HEMK2: variants seen among roughly 807,000 people sequenced by gnomAD.
The protein encoded by HEMK2 is HemK methyltransferase 2, ETF1 glutamine and histone H4 lysine, also known as methyltransferase HEMK2.
chr21:28,700,646 C>T, the HEMK2 span, among the ~76,000 whole-genome samples: 5 of 151,922 alleles, frequency 3.3e-5, no homozygotes, highest in African/African-American at 1.2e-4. Flanking sequence ...AAATTGAATC[C>T]GTAATAAAAA....
the HEMK2 span, among the ~76,000 whole-genome samples, chr21:28,673,126 G>A: frequency 6.7e-6 from 1 of 149,750 alleles, no homozygotes; most frequent in African/African-American, 2.5e-5. Flanking sequence ...AAAGAAGGAA[G>A]GAGGGAAGGA....
the HEMK2 span, among the ~76,000 whole-genome samples, chr21:28,680,514 A>T: frequency 1.3e-5 from 2 of 152,158 alleles, no homozygotes; most frequent in African/African-American, 2.4e-5. Flanking sequence ...CTATTCCAAT[A>T]AATAGAAAAA....
chr21:28,588,751 A>G, the HEMK2 span, among the ~76,000 whole-genome samples: 1 of 152,138 alleles, frequency 6.6e-6, no homozygotes, highest in Non-Finnish European at 1.5e-5. Flanking sequence ...AGGTCGGATC[A>G]CGAGGTCGGA....
At chr21:28,749,641 G>C in the HEMK2 span, among the ~76,000 whole-genome samples, 3 of 152,208 alleles carry the variant, frequency 2.0e-5, no homozygotes, top group Admixed American at 2.0e-4. Flanking sequence ...TTGATCGTCA[G>C]AGTATGATCC....
the HEMK2 span, among the ~76,000 whole-genome samples, chr21:28,611,839 G>A: frequency 1.1e-4 from 16 of 148,742 alleles, no homozygotes; most frequent in African/African-American, 3.7e-4. Context: ...ACCCAGGAGG[G>A]AAGCAGAGGT....
At chr21:28,681,249 C>T in the HEMK2 span, among the ~76,000 whole-genome samples, 2 of 152,202 alleles carry the variant, frequency 1.3e-5, no homozygotes, top group African/African-American at 4.8e-5. Flanking sequence ...CATTCTTATA[C>T]ACCAATAAGA....
At chr21:28,839,002 CATATAT>C in the HEMK2 span, among the ~76,000 whole-genome samples, 6 of 33,668 alleles carry the variant, frequency 1.8e-4, 1 homozygote, top group African/African-American at 8.3e-4. Flanking sequence ...TATATATATA[CATATAT>C]ATACACAATC....
At chr21:28,747,687 C>T in the HEMK2 span, among the ~76,000 whole-genome samples, 4 of 152,152 alleles carry the variant, frequency 2.6e-5, no homozygotes, top group African/African-American at 9.7e-5. Context: ...GAATACTATG[C>T]AGCCATAAAA....
chr21:28,603,549 ATGTGTG>A, the HEMK2 span, among the ~76,000 whole-genome samples: 1,672 of 135,800 alleles, frequency 0.012, 12 homozygotes, highest in Middle Eastern at 0.022. Context: ...GAGGATATAT[ATGTGTG>A]TGTGTGTGTG....
chr21:28,639,650 T>TTGGA, the HEMK2 span, among the ~76,000 whole-genome samples: 1 of 152,228 alleles, frequency 6.6e-6, no homozygotes, highest in Non-Finnish European at 1.5e-5. Flanking sequence ...ATTATATTAA[T>TTGGA]TTATCCGAGT....
At chr21:28,786,006 C>T in the HEMK2 span, among the ~76,000 whole-genome samples, 1 of 152,228 alleles carries the variant, frequency 6.6e-6, no homozygotes, top group Non-Finnish European at 1.5e-5. Context: ...GTCTTTCACA[C>T]TTGCTGCACC....
At chr21:28,759,751 CCT>C in the HEMK2 span, among the ~76,000 whole-genome samples, 31 of 152,198 alleles carry the variant, frequency 2.0e-4, no homozygotes, top group Admixed American at 1.2e-3. Context: ...TAAGGGATTT[CCT>C]CTTTTACTTG....
the HEMK2 span, among the ~76,000 whole-genome samples, chr21:28,819,805 C>T: frequency 1.3e-5 from 2 of 152,090 alleles, no homozygotes; most frequent in Admixed American, 6.5e-5. Flanking sequence ...ACCTCGGCCT[C>T]CCAAAGTGCT....
chr21:28,864,878 G>A, the HEMK2 span, among the ~76,000 whole-genome samples: 677 of 60,716 alleles, frequency 0.011, 4 homozygotes, highest in South Asian at 0.024. Context: ...TGGATGATAG[G>A]TAGATATAGA....
the HEMK2 span, among the ~76,000 whole-genome samples, chr21:28,586,829 T>G: frequency 2.0e-5 from 3 of 151,860 alleles, no homozygotes; most frequent in Non-Finnish European, 4.4e-5. Context: ...CACAGGGGGG[T>G]AATGAATGAA....
the HEMK2 span, among the ~76,000 whole-genome samples, chr21:28,607,477 T>C: frequency 6.6e-6 from 1 of 152,184 alleles, no homozygotes; most frequent in East Asian, 1.9e-4. Flanking sequence ...TGAGGAAAAC[T>C]GGCGTCATCA....
the HEMK2 span, chr21:28,873,135 A>G: frequency 6.6e-6 from 1 of 152,228 alleles, no homozygotes; most frequent in African/African-American, 2.4e-5. Flanking sequence ...GCATTCCACC[A>G]GAAACACTCT....
the HEMK2 span, among the ~76,000 whole-genome samples, chr21:28,597,433 A>G: frequency 6.6e-6 from 1 of 152,252 alleles, no homozygotes; most frequent in Non-Finnish European, 1.5e-5. Flanking sequence ...TACTGTATTC[A>G]GTAGACAAGG....
At chr21:28,634,221 C>A in the HEMK2 span, among the ~76,000 whole-genome samples, 1 of 152,106 alleles carries the variant, frequency 6.6e-6, no homozygotes, top group African/African-American at 2.4e-5. Flanking sequence ...CCTTTTCTCA[C>A]GGGGATCCAG....
Sources: gnomAD v4.1 joint callset for allele counts (sites outside exome capture counted in the v4.1 genomes callset) on GRCh38, gnomAD v4.1.1 for gene constraint, MANE v1.5 for transcripts, NCBI Gene and HGNC (gene_info 2026-07-23, HGNC 2026-07-21) for gene names.